Variants in DSTYK observed in about 807,000 individuals in gnomAD.
DSTYK encodes dual serine/threonine and tyrosine protein kinase, also known as RIP-homologous kinase.
Under a neutral mutation model 98.7 loss-of-function variants are expected in DSTYK, and 34 were observed. The ratio of observed to expected loss-of-function variants is 0.34; its 90% CI spans 0.26 to 0.46. The LOEUF is 0.46. Among genes scored for constraint, DSTYK ranks in the 20% least tolerant of loss-of-function variants. The probability of loss-of-function intolerance (pLI) is 1.00; values close to 1 mark genes in which losing one functional copy is unlikely to be tolerated. For missense variants in DSTYK, 962 were observed against 1,181.7 expected (o/e 0.81, Z 2.73); for synonymous variants, 462 against 457.3 (o/e 1.01, Z -0.13).
intron 1 of DSTYK, chr1:205,202,254 C>T: frequency 1.6e-6 from 1 of 608,512 alleles, no homozygotes; most frequent in Non-Finnish European, 3.2e-6. Context: ...AGGTTCAAAT[C>T]TTCGTGTTCA....
intron 1 of DSTYK, among the ~76,000 whole-genome samples, chr1:205,199,261 C>A (rs1658957576): frequency 6.6e-6 from 1 of 152,122 alleles, no homozygotes; most frequent in South Asian, 2.1e-4. Flanking sequence ...ACGTGGCACA[C>A]AGCTGGGGAA....
At chr1:205,174,211 T>C (rs976921728) in intron 2 of DSTYK, among the ~76,000 whole-genome samples, 9 of 151,960 alleles carry the variant, frequency 5.9e-5, no homozygotes, top group Admixed American at 2.0e-4. Flanking sequence ...AAAACCAGTC[T>C]CTATTAAAAA....
chr1:205,166,139 A>T (rs748603180), intron 3 of DSTYK, among the ~76,000 whole-genome samples: 1 of 152,250 alleles, frequency 6.6e-6, no homozygotes, highest in South Asian at 2.1e-4. Flanking sequence ...ATTTGTATGA[A>T]TATTTATGGA....
Position 205,211,650 on chromosome 1 carries a change from G to T in DSTYK, c.-115C>A. ...AATCCGCCTCCTGACGCCCCCGCCTGCAGTCAGCCTGGCTCCCAACCTCCG... is the reference window on the plus strand; with the variant it reads ...AATCCGCCTCCTGACGCCCCCGCCTTCAGTCAGCCTGGCTCCCAACCTCCG... On this transcript the variant is annotated 5_prime_UTR_variant, in exon 1 of 13. Transcript: ENST00000367162. The T allele has an allele frequency of 7.4e-7, 1 of 1,353,252 alleles. No individual in the cohort carries two copies. The highest frequency in any genetic ancestry group is 9.6e-7 in the Non-Finnish European group (1 of 1,041,746). 83.8% of individuals were successfully genotyped at this position (1,353,252 alleles called of 1,614,324 possible).
chr1:205,160,335 A>T, intron 7 of DSTYK, 65 bp from the exon 8 acceptor site: 11 of 1,322,630 alleles, frequency 8.3e-6, no homozygotes, highest in African/African-American at 1.5e-5. Context: ...CCTCTGTAAG[A>T]TTCTTTTTTT....
chr1:205,196,773 T>G (rs889559491), intron 1 of DSTYK, among the ~76,000 whole-genome samples: 1 of 148,628 alleles, frequency 6.7e-6, no homozygotes, highest in Non-Finnish European at 1.5e-5. Context: ...TTTTTTTTTT[T>G]TTTTTTTTGA....
Position 205,147,432 on chromosome 1 carries a change from G to A in DSTYK, c.*126C>T, listed in dbSNP as rs2102372245. On this transcript the variant is annotated 3_prime_UTR_variant, in exon 13 of 13. Transcript: ENST00000367162. ...TCATCCCTGCCTGGGAAGGTTCCAA[G>A]TTTCCCAGCAAGCACCAGTTCCCTT... 1 of 1,096,146 alleles carries A rather than the reference G, an allele frequency of 9.1e-7. No individual in the cohort carries two copies. Among genetic ancestry groups the A allele is most frequent in the East Asian group, 2.4e-5 (1 of 41,612 alleles). 67.9% of individuals were successfully genotyped at this position (1,096,146 alleles called of 1,614,324 possible).
rs766663385 is a variant in DSTYK at position 205,211,239 on chromosome 1, T to C, written c.265+32A>G. ...GGTCCGTCCTCCGATTTGCCTCTCC[T>C]GCCCTCTCTCCCTCCGGGCTGCCCT... On this transcript the variant is annotated intron_variant, in intron 1 of 12. Transcript: ENST00000367162. 3.8e-6 allele frequency: 6 copies of C among 1,570,394 alleles called. No individual in the cohort carries two copies. In the East Asian group the frequency reaches 1.1e-4, roughly 30 times the overall value.
chr1:205,187,769 C>T lies in DSTYK; in HGVS notation c.303G>A (p.Glu101=). ...LSCISFPPKE[E]KYLQQIVDCL... is the part of the protein sequence containing the mutation. ...AGTCCACAATCTGCTGGAGGTACTT[C>T]TCTTCCTTAGGTGGGAAGGAAATGC... Residue 101 remains glutamate, a synonymous_variant, in exon 2 of 13, where the codon GAG becomes GAA. Transcript: ENST00000367162. 6.2e-7 allele frequency: 1 copy of T among 1,613,958 alleles called. No homozygotes were observed. The highest frequency in any genetic ancestry group is 8.5e-7 in the Non-Finnish European group (1 of 1,179,934).
At chr1:205,196,260 T>A (rs1286762969) in intron 1 of DSTYK, among the ~76,000 whole-genome samples, 2 of 152,116 alleles carry the variant, frequency 1.3e-5, no homozygotes, top group African/African-American at 4.8e-5. Context: ...ATGATGGATA[T>A]AAAAATCACC....
intron 1 of DSTYK, among the ~76,000 whole-genome samples, chr1:205,205,203 CA>C (rs1400953486): frequency 6.6e-6 from 1 of 152,072 alleles, no homozygotes; most frequent in African/African-American, 2.4e-5. Context: ...CAGATGATAG[CA>C]AACTACCACA....
chr1:205,147,790 A>C, intron 12 of DSTYK, 45 bp from the exon 13 acceptor site: 3 of 1,589,726 alleles, frequency 1.9e-6, no homozygotes, highest in Non-Finnish European at 2.6e-6. Flanking sequence ...AGAGGGACCC[A>C]GCACAACAAA....
At chr1:205,207,408 A>G (rs1395892579) in intron 1 of DSTYK, among the ~76,000 whole-genome samples, 1 of 151,840 alleles carries the variant, frequency 6.6e-6, no homozygotes, top group African/African-American at 2.4e-5. Flanking sequence ...TGAGAGGCTT[A>G]TGACAAATTG....
At position 205,152,207 on chromosome 1, in the gene DSTYK, C is replaced by T. The variant is rs970855283; in HGVS notation, c.2353-1413G>A. Among the ~76,000 whole-genome samples the T allele has an allele frequency of 8.5e-5, 13 of 152,252 alleles. No homozygotes were observed. In the East Asian group the frequency reaches 2.3e-3, roughly 27 times the overall value. The stretch of plus-strand genomic sequence containing the variant: ...GTTTTTGTTTTTTGAGAAGGAGTTT[C>T]GCTCTTGTTGCCTAGGCTGGAGTGC... On this transcript the variant is annotated intron_variant, in intron 10 of 12. Coordinates refer to ENST00000367162, the MANE Select transcript of DSTYK (RefSeq NM_015375.3).
Position 205,150,548 on chromosome 1 carries a change from TC to T in DSTYK, c.2467+131del. On this transcript the variant is annotated intron_variant, in intron 11 of 12. Coordinates refer to ENST00000367162, the MANE Select transcript of DSTYK (RefSeq NM_015375.3). The surrounding 1 kb of genome is among the most constrained non-coding windows in gnomAD (Gnocchi z 4.1). The stretch of plus-strand genomic sequence containing the variant: ...CCCTGCTACTTGCCTTAGGTAGGTC[TC>T]CCCTGATCTGGTTTCTCCCTTGCCT... 1.5e-6 allele frequency: 1 copy of T among 658,310 alleles called. No homozygotes were observed. 40.8% of individuals were successfully genotyped at this position (658,310 alleles called of 1,614,324 possible).
chr1:205,167,410 AAAG>A (rs1276642614), intron 3 of DSTYK, among the ~76,000 whole-genome samples: 4 of 152,188 alleles, frequency 2.6e-5, no homozygotes, highest in Admixed American at 2.0e-4. Flanking sequence ...AAAAATAAAA[AAAG>A]AAGGAGAAAA....
In DSTYK at chr1:205,147,585, T is replaced by G; in HGVS notation, c.2763A>C (p.Pro921=). 3 of 1,612,290 alleles carry G rather than the reference T, an allele frequency of 1.9e-6. No individual in the cohort carries two copies. Among genetic ancestry groups the G allele is most frequent in the Non-Finnish European group, 2.5e-6 (3 of 1,178,390 alleles). The change falls in exon 13 of 13, where the codon CCA becomes CCC. Residue 921 remains proline, a synonymous_variant. Transcript: ENST00000367162. Reference sequence around the variant, plus strand: ...AAGTAGAATCATCTAGTCCTCTGTTTGGCTGCTCAGAATTGGACTTGCAGA... The same window carrying G: ...AAGTAGAATCATCTAGTCCTCTGTTGGGCTGCTCAGAATTGGACTTGCAGA... ...NRLCKSNSEQ[P]NRGLDDST is the part of the protein sequence containing the mutation.
intron 1 of DSTYK, among the ~76,000 whole-genome samples, chr1:205,209,021 C>G (rs1290556462): frequency 6.6e-6 from 1 of 152,212 alleles, no homozygotes; most frequent in Non-Finnish European, 1.5e-5. Context: ...CTGGGATGGA[C>G]AGACTCCCGA....
At chr1:205,183,526 A>C (rs1658481460) in intron 2 of DSTYK, among the ~76,000 whole-genome samples, 1 of 152,252 alleles carries the variant, frequency 6.6e-6, no homozygotes, top group South Asian at 2.1e-4. Context: ...ATAAGAGGGC[A>C]GGGGAAATTC....
Sources: allele counts gnomAD v4.1 joint callset (sites outside exome capture counted in the v4.1 genomes callset), GRCh38; gene constraint gnomAD v4.1.1; non-coding constraint Gnocchi (gnomAD v3.1); transcripts MANE v1.5; gene names NCBI Gene and HGNC (gene_info 2026-07-23, HGNC 2026-07-21).